EPG5: variants seen among roughly 807,000 people sequenced by gnomAD.
EPG5 encodes ectopic P granules protein 5 homolog.
Under a neutral mutation model 302.7 loss-of-function variants are expected in EPG5, and 159 were observed. That is an observed-to-expected ratio of 0.53 (90% CI 0.46 to 0.60). The LOEUF (loss-of-function observed/expected upper bound fraction) is 0.60. Ranked by LOEUF, EPG5 falls within the 20% of genes least tolerant of loss-of-function variation. EPG5 has a pLI of 0.00. For synonymous variants in EPG5, 1,158 were observed against 1,136.8 expected, an observed-to-expected ratio of 1.02 and a Z score of -0.37; for missense variants, 2,896 against 3,092.4, an observed-to-expected ratio of 0.94 and a Z score of 1.51.
rs1385195435 is a variant in EPG5 at position 45,954,505 on chromosome 18, T to C, written c.897A>G (p.Arg299=). 1 of 1,614,242 alleles carries C rather than the reference T, an allele frequency of 6.2e-7. No homozygotes were observed. Among genetic ancestry groups the C allele is most frequent in the Middle Eastern group, 1.6e-4 (1 of 6,062 alleles). ...CAGCCAGCAGCAGTTGCTTCCTACATCGTGAGTAGTTCAAAAGCAACTCAT... is the reference window on the plus strand; with the variant it reads ...CAGCCAGCAGCAGTTGCTTCCTACACCGTGAGTAGTTCAAAAGCAACTCAT... The part of the protein sequence containing the change: ...EFYELLLNYS[R]CRKQLLLAEA... Residue 299 remains arginine, a synonymous_variant, in exon 2 of 44, where the codon CGA becomes CGG. Coordinates refer to ENST00000282041, the MANE Select transcript of EPG5 (RefSeq NM_020964.3).
chr18:45,954,255 T>C (rs553851828), intron 2 of EPG5, 139 bp downstream of exon 2: 10 of 786,972 alleles, frequency 1.3e-5, no homozygotes, highest in East Asian at 5.4e-5. Flanking sequence ...CTGCAGGCAT[T>C]TGACTTTGTG....
In EPG5 at chr18:45,880,153, G is replaced by C. The variant is rs749900326; in HGVS notation, c.5589C>G (p.Pro1863=). The part of the protein sequence containing the change: ...ATLRALGCCA[P]SCQQGAASTE... ...TGGACGCTGCCCCCTGCTGGCAGCTGGGGGCGCAGCAGCCCAGGGCTCTCA... is the reference window on the plus strand; with the variant it reads ...TGGACGCTGCCCCCTGCTGGCAGCTCGGGGCGCAGCAGCCCAGGGCTCTCA... Residue 1863 remains proline, a synonymous_variant, in exon 32 of 44, where the codon CCC becomes CCG. Transcript: ENST00000282041. 8 of 1,611,618 alleles carry C rather than the reference G, an allele frequency of 5.0e-6. No homozygotes were observed. The East Asian group carries it at 1.6e-4, about 31-fold the overall frequency.
intron 39 of EPG5, among the ~76,000 whole-genome samples, chr18:45,861,279 T>C (rs2048628324): frequency 6.6e-6 from 1 of 152,244 alleles, no homozygotes; most frequent in Non-Finnish European, 1.5e-5. Flanking sequence ...TATATCTGTC[T>C]ATTTCTTCAT....
chr18:45,929,708 C>T (rs962964030), intron 12 of EPG5, among the ~76,000 whole-genome samples: 2 of 152,154 alleles, frequency 1.3e-5, no homozygotes, highest in Admixed American at 6.6e-5. Flanking sequence ...TTGAGAATGT[C>T]ACTTAATGTC....
intron 14 of EPG5, among the ~76,000 whole-genome samples, chr18:45,924,108 T>A (rs575417092): frequency 6.6e-6 from 1 of 152,100 alleles, no homozygotes; most frequent in East Asian, 1.9e-4. Flanking sequence ...TTACAATAAA[T>A]AAGACACTCA....
At chr18:45,867,486 T>C (rs1439623104) in intron 37 of EPG5, 77 bp downstream of exon 37, 3 of 1,233,056 alleles carry the variant, frequency 2.4e-6, no homozygotes, top group Non-Finnish European at 3.5e-6. Context: ...GAAAAACAAA[T>C]GAAAAACTAC....
At chr18:45,924,191 GC>G (rs2050218330) in intron 14 of EPG5, among the ~76,000 whole-genome samples, 1 of 152,096 alleles carries the variant, frequency 6.6e-6, no homozygotes, top group Admixed American at 6.5e-5. Context: ...TTCCTTTGCA[GC>G]CTGGAAAAAT....
At chr18:45,919,606 A>G (rs901473108) in intron 16 of EPG5, among the ~76,000 whole-genome samples, 2 of 147,340 alleles carry the variant, frequency 1.4e-5, no homozygotes, top group Non-Finnish European at 3.0e-5. Context: ...TCCGCCTCCC[A>G]GGTTCACGCC....
chr18:45,959,147 C>T (rs1016215816), intron 1 of EPG5, among the ~76,000 whole-genome samples: 2 of 152,206 alleles, frequency 1.3e-5, no homozygotes, highest in East Asian at 3.8e-4. Flanking sequence ...TGAATCGGCT[C>T]TGTCTAGGCA....
Position 45,922,365 on chromosome 18 carries a change from A to G in EPG5, c.3074T>C (p.Leu1025Ser). 2 of 1,614,236 alleles carry G rather than the reference A, an allele frequency of 1.2e-6. No individual in the cohort carries two copies. Among genetic ancestry groups the G allele is most frequent in the Middle Eastern group, 1.7e-4 (1 of 6,056 alleles). Residue 1025 changes from leucine (L) to serine (S), a missense_variant, in exon 16 of 44, where the codon TTA becomes TCA. Leu to Ser is a moderately radical substitution (Grantham distance 145). This residue lies in a region of EPG5 where 1,390 missense variants were observed against 1,430.0 expected (regional missense o/e 0.97). Coordinates refer to ENST00000282041, the MANE Select transcript of EPG5 (RefSeq NM_020964.3). ...CCTGTGGCCCACAGCTGTCATAGAT[A>G]AGGCTAGATAACAGCCAATGGGCAT... ...AGMPIGCYLA[L>S]SMTAVGHSIE... is the part of the protein sequence containing the mutation.
chr18:45,836,396 C>T, the EPG5 span, among the ~76,000 whole-genome samples: 3 of 151,250 alleles, frequency 2.0e-5, no homozygotes, highest in East Asian at 5.8e-4. Flanking sequence ...CTTTTGTGAA[C>T]TGCACCCTGG....
intron 23 of EPG5, among the ~76,000 whole-genome samples, chr18:45,910,214 T>C (rs947578340): frequency 2.0e-5 from 3 of 152,116 alleles, no homozygotes; most frequent in African/African-American, 7.2e-5. Flanking sequence ...TCTAGCAGGC[T>C]TTAATAGTTG....
chr18:45,807,067 G>A, the EPG5 span, among the ~76,000 whole-genome samples: 5 of 152,170 alleles, frequency 3.3e-5, no homozygotes, highest in Non-Finnish European at 5.9e-5. Context: ...CCAGCCCTTC[G>A]GATTATGTGG....
At position 45,929,885 on chromosome 18, in the gene EPG5, C is replaced by A. The variant is rs1191719737; in HGVS notation, c.2412+791G>T. ...AACATCCAGGTTTGTCATTCTCAAA[C>A]TGGATTATTAGGGGAAGATAATAAA... On this transcript the variant is annotated intron_variant, in intron 12 of 43. Transcript: ENST00000282041. Among the ~76,000 whole-genome samples, 11 of 152,308 alleles carry A rather than the reference C, an allele frequency of 7.2e-5. No homozygotes were observed. In the South Asian group the frequency reaches 2.1e-3, roughly 29 times the overall value.
chr18:45,905,776 A>T (rs185614421), intron 24 of EPG5, among the ~76,000 whole-genome samples: 88 of 152,354 alleles, frequency 5.8e-4, no homozygotes, highest in Admixed American at 5.7e-3. Flanking sequence ...GTTGATGCTG[A>T]GGAACCAGGA....
Position 45,910,696 on chromosome 18 carries a change from C to G in EPG5, c.4030G>C (p.Ala1344Pro), listed in dbSNP as rs778087221. Residue 1344 changes from alanine to proline, a missense_variant, in exon 23 of 44, where the codon GCT becomes CCT. Physicochemically the swap from Ala to Pro is conservative, Grantham distance 27 (BLOSUM62 -1). Coordinates refer to ENST00000282041, the MANE Select transcript of EPG5 (RefSeq NM_020964.3). ...CIGRRFFQSP[A>P]HINLLKEMKR... The stretch of plus-strand genomic sequence containing the variant: ...ATTTCTTTCAACAAATTGATATGAG[C>G]AGGACTTTGAAAAAACCTTCTTCCA... 6.2e-6 allele frequency: 10 copies of G among 1,613,994 alleles called. No individual in the cohort carries two copies. The East Asian group carries it at 2.2e-4, about 36-fold the overall frequency.
At chr18:45,925,955 T>C (rs998348132) in intron 13 of EPG5, 53 bp from the exon 14 acceptor site, 104 of 1,082,888 alleles carry the variant, frequency 9.6e-5, no homozygotes, top group Non-Finnish European at 1.2e-4. Flanking sequence ...AACAATGCTA[T>C]ATTACTACAA....
chr18:45,916,322 C>A, intron 18 of EPG5, 116 bp from the exon 19 acceptor site: 1 of 1,528,274 alleles, frequency 6.5e-7, no homozygotes, highest in South Asian at 1.3e-5. Context: ...CCTTTCTTGG[C>A]CAAAAGCACA....
the EPG5 span, chr18:45,825,639 C>G: frequency 1.2e-5 from 17 of 1,461,532 alleles, no homozygotes; most frequent in Non-Finnish European, 1.3e-5. Context: ...CACCCCCGCC[C>G]GCCTTCCTTC....
Sources: allele counts gnomAD v4.1 joint callset (sites outside exome capture counted in the v4.1 genomes callset), GRCh38; gene constraint gnomAD v4.1.1; regional missense constraint gnomAD v4.1.1; transcripts MANE v1.5; gene names NCBI Gene and HGNC (gene_info 2026-07-23, HGNC 2026-07-21).